Variants in FRMD5 observed in about 807,000 individuals in gnomAD.
FRMD5 encodes the protein FERM domain-containing protein 5.
FRMD5 carries 20 observed loss-of-function variants against 69.0 expected under a neutral mutation model. The observed-to-expected ratio is 0.29, with a 90% CI of 0.20 to 0.42. FRMD5 has a LOEUF of 0.42. FRMD5 is among the 10% of genes least tolerant of loss of function. FRMD5 has a pLI of 1.00. For missense variants in FRMD5, 595 were observed against 708.6 expected (o/e 0.84, Z 1.82); for synonymous variants, 271 against 260.1 (o/e 1.04, Z -0.40).
chr15:43,950,272 G>A (rs551985342), intron 1 of FRMD5, among the ~76,000 whole-genome samples: 1 of 152,258 alleles, frequency 6.6e-6, no homozygotes, highest in African/African-American at 2.4e-5. Flanking sequence ...AAGGAGTAGG[G>A]TGTGACCAAG....
rs1233859984 is a variant in FRMD5 at position 44,106,527 on chromosome 15, C to T, written c.102+88426G>A. The stretch of plus-strand genomic sequence containing the variant: ...GCCTCCTACAACCATCCTTCACCTG[C>T]CTCATTCTGATTTTTAAAATAATTG... On this transcript the variant is annotated intron_variant, in intron 1 of 13. Transcript: ENST00000417257. Among the ~76,000 whole-genome samples, 4 of 152,148 alleles carry T rather than the reference C, an allele frequency of 2.6e-5. No homozygotes were observed. The East Asian group carries it at 7.7e-4, about 29-fold the overall frequency.
chr15:43,935,345 G>A (rs1257518631), intron 1 of FRMD5, among the ~76,000 whole-genome samples: 2 of 152,154 alleles, frequency 1.3e-5, no homozygotes, highest in Non-Finnish European at 2.9e-5. Flanking sequence ...TTAGCCGGGT[G>A]TGGTGGCGGG....
intron 6 of FRMD5, among the ~76,000 whole-genome samples, chr15:43,904,040 G>A (rs2089112160): frequency 6.6e-6 from 1 of 152,214 alleles, no homozygotes; most frequent in Admixed American, 6.5e-5. Context: ...AGGGAGAGGG[G>A]CGGGAAGCAT....
chr15:44,017,856 G>A (rs1225823196), intron 1 of FRMD5, among the ~76,000 whole-genome samples: 11 of 151,952 alleles, frequency 7.2e-5, no homozygotes, highest in Non-Finnish European at 1.2e-4. Context: ...TGATCCGCCC[G>A]CCTCATCCTC....
chr15:44,141,360 A>AG (rs1314611175), intron 1 of FRMD5, among the ~76,000 whole-genome samples: 1 of 152,160 alleles, frequency 6.6e-6, no homozygotes, highest in Non-Finnish European at 1.5e-5. Flanking sequence ...ATACTAGCCC[A>AG]GGGGTAGACA....
At chr15:43,930,130 C>T (rs1237242019) in intron 1 of FRMD5, among the ~76,000 whole-genome samples, 1 of 152,184 alleles carries the variant, frequency 6.6e-6, no homozygotes, top group East Asian at 1.9e-4. Context: ...ACTTCAGCAC[C>T]TTCTTTACAC....
chr15:44,014,103 GA>G (rs2140227872), intron 1 of FRMD5, among the ~76,000 whole-genome samples: 1 of 152,116 alleles, frequency 6.6e-6, no homozygotes, highest in South Asian at 2.1e-4. Flanking sequence ...ACTTTCAAGA[GA>G]GACACTCATC....
At chr15:44,130,070 G>C (rs544601457) in intron 1 of FRMD5, among the ~76,000 whole-genome samples, 1 of 152,192 alleles carries the variant, frequency 6.6e-6, no homozygotes, top group African/African-American at 2.4e-5. Context: ...TTTGCACCTT[G>C]CTTGGTGATT....
chr15:43,930,593 C>T (rs1215459636), intron 1 of FRMD5, among the ~76,000 whole-genome samples: 10 of 152,242 alleles, frequency 6.6e-5, no homozygotes, highest in Non-Finnish European at 1.5e-4. Context: ...TTCTTAGCCA[C>T]TGTTCTCACC....
intron 7 of FRMD5, among the ~76,000 whole-genome samples, chr15:43,893,770 C>T (rs2088851284): frequency 6.6e-6 from 1 of 151,572 alleles, no homozygotes; most frequent in African/African-American, 2.4e-5. Context: ...CAGGGCTCAC[C>T]TCCCTGACAC....
intron 13 of FRMD5, among the ~76,000 whole-genome samples, chr15:43,882,637 G>T (rs923722543): frequency 5.3e-5 from 8 of 152,056 alleles, no homozygotes; most frequent in African/African-American, 1.9e-4. Flanking sequence ...GGGACTACAG[G>T]CGTGAGCCAC....
intron 1 of FRMD5, among the ~76,000 whole-genome samples, chr15:44,031,088 G>C (rs1010849240): frequency 6.6e-6 from 1 of 152,096 alleles, no homozygotes; most frequent in South Asian, 2.1e-4. Context: ...TACAACCCTA[G>C]TGAGGAGTGC....
chr15:44,170,521 T>G (rs576130984), intron 1 of FRMD5, among the ~76,000 whole-genome samples: 3 of 148,738 alleles, frequency 2.0e-5, no homozygotes, highest in Non-Finnish European at 3.0e-5. Flanking sequence ...AGACTTCATA[T>G]CCAAAAAAAA....
chr15:43,945,769 A>T (rs1328722058), intron 1 of FRMD5, among the ~76,000 whole-genome samples: 1 of 152,114 alleles, frequency 6.6e-6, no homozygotes, highest in Non-Finnish European at 1.5e-5. Flanking sequence ...CAGATCTTTT[A>T]AAAATGTCTT....
chr15:43,960,627 G>A (rs556843676), intron 1 of FRMD5, among the ~76,000 whole-genome samples: 62 of 151,278 alleles, frequency 4.1e-4, no homozygotes, highest in South Asian at 2.1e-3. Context: ...CAGGTGATCC[G>A]CCTGCCTCAG....
rs1303129833 is a variant in FRMD5 at position 43,908,251 on chromosome 15, C to T, written c.427+1631G>A. 2.0e-5 allele frequency among the ~76,000 whole-genome samples: 3 copies of T among 150,180 alleles called. No individual in the cohort carries two copies. In the East Asian group the frequency reaches 5.9e-4, roughly 29 times the overall value. ...GCTGAGGTGGGAGGATCACTTGAAC[C>T]CAGGAGGTGGAGGTTGCAGTGAGCC... On this transcript the variant is annotated intron_variant, in intron 5 of 13. Transcript: ENST00000417257.
chr15:44,194,042 G>A (rs1344847693), intron 1 of FRMD5, among the ~76,000 whole-genome samples: 1 of 152,182 alleles, frequency 6.6e-6, no homozygotes, highest in African/African-American at 2.4e-5. Flanking sequence ...ACTAAACACG[G>A]GAGCATTGTC....
chr15:44,110,954 A>C (rs2076787798), intron 1 of FRMD5, among the ~76,000 whole-genome samples: 1 of 152,314 alleles, frequency 6.6e-6, no homozygotes, highest in Middle Eastern at 3.4e-3. Flanking sequence ...AAAGACTCGG[A>C]TATCTCTCCC....
At chr15:44,067,682 C>T (rs2140402799) in intron 1 of FRMD5, among the ~76,000 whole-genome samples, 1 of 152,154 alleles carries the variant, frequency 6.6e-6, no homozygotes, top group South Asian at 2.1e-4. Context: ...CCTAATCACG[C>T]CTAAAGGCCC....
Sources: allele counts gnomAD v4.1 joint callset (sites outside exome capture counted in the v4.1 genomes callset), GRCh38; gene constraint gnomAD v4.1.1; transcripts MANE v1.5; gene names NCBI Gene and HGNC (gene_info 2026-07-23, HGNC 2026-07-21).